The following YARS2 variants were observed in gnomAD, a reference collection of about 807,000 sequenced individuals.
YARS2 encodes the protein tyrosyl-tRNA synthetase 2.
Under a neutral mutation model 45.0 loss-of-function variants are expected in YARS2, and 38 were observed. The ratio of observed to expected loss-of-function variants is 0.84; its 90% CI spans 0.65 to 1.11. The LOEUF is 1.11. YARS2 is among the 50% of genes least tolerant of loss of function. The pLI is 0.00. For missense variants in YARS2, 602 were observed against 599.8 expected (o/e 1.00, Z -0.04); for synonymous variants, 287 against 245.1 (o/e 1.17, Z -1.60).
Position 32,746,670 on chromosome 12 carries a change from T to G in YARS2, c.*534A>C, listed in dbSNP as rs1479216866. On this transcript the variant is annotated 3_prime_UTR_variant, in exon 5 of 5. Coordinates refer to ENST00000324868, the MANE Select transcript of YARS2 (RefSeq NM_001040436.3). ...CTCGCAGCTCAGCCTCTTGAGTAGC[T>G]GGGGTTACAGGTGCCTGCAACCACA... The G allele has an allele frequency of 6.4e-6, 1 of 156,194 alleles. No individual in the cohort carries two copies. The highest frequency in any genetic ancestry group is 2.4e-5 in the African/African-American group (1 of 41,438). The allele number at this position is 156,194 out of a possible 1,614,324, so 9.7% of individuals were successfully genotyped here. A position where few individuals can be genotyped will look rare whatever the true frequency, so the allele number is the denominator to read the frequency against.
At chr12:32,753,777 C>G in intron 2 of YARS2, 141 bp downstream of exon 2, 1 of 1,117,082 alleles carries the variant, frequency 9.0e-7, no homozygotes, top group Non-Finnish European at 1.3e-6. Context: ...AAAAATTAGT[C>G]TTCTATGATG....
At chr12:32,749,852 C>A in intron 4 of YARS2, 85 bp downstream of exon 4, 1 of 1,525,308 alleles carries the variant, frequency 6.6e-7, no homozygotes, top group Non-Finnish European at 9.0e-7. Context: ...GCTGTGATTA[C>A]AGGCATGAGC....
intron 2 of YARS2, 69 bp downstream of exon 2, chr12:32,753,849 A>T: frequency 6.3e-7 from 1 of 1,592,220 alleles, no homozygotes; most frequent in South Asian, 1.1e-5. Flanking sequence ...ATGTACATAG[A>T]TTCAATGGCT....
chr12:32,753,443 G>C (rs1955787345), intron 2 of YARS2, among the ~76,000 whole-genome samples: 1 of 152,120 alleles, frequency 6.6e-6, no homozygotes, highest in South Asian at 2.1e-4. Context: ...TGATGTTACA[G>C]AGCATCAAAA....
At chr12:32,754,801 G>C (rs1443299196) in intron 1 of YARS2, among the ~76,000 whole-genome samples, 1 of 144,926 alleles carries the variant, frequency 6.9e-6, no homozygotes, top group Admixed American at 7.2e-5. Flanking sequence ...TGAAACCTTC[G>C]CCTCCCGGGT....
chr12:32,747,149 G>T lies in YARS2; in HGVS notation c.*55C>A. ...TAAGTTCTGGAGCCAACCCTTCAGAGGTCTTGAGAATGAATGATGGGTAAG... is the reference window on the plus strand; with the variant it reads ...TAAGTTCTGGAGCCAACCCTTCAGATGTCTTGAGAATGAATGATGGGTAAG... On this transcript the variant is annotated 3_prime_UTR_variant, in exon 5 of 5. Coordinates refer to ENST00000324868, the MANE Select transcript of YARS2 (RefSeq NM_001040436.3). 6.3e-7 allele frequency: 1 copy of T among 1,589,440 alleles called. No homozygotes were observed. Among genetic ancestry groups the T allele is most frequent in the Non-Finnish European group, 8.6e-7 (1 of 1,161,236 alleles).
In YARS2 at chr12:32,755,396, G is replaced by T; in HGVS notation, c.479C>A (p.Thr160Asn). ...ALAANHQQLF[T>N]DGRSWGSFTV... ...GAAGCTGCCCCAGGAGCGCCCATCAGTGAAAAGCTGCTGGTGATTAGCCGC... is the reference window on the plus strand; with the variant it reads ...GAAGCTGCCCCAGGAGCGCCCATCATTGAAAAGCTGCTGGTGATTAGCCGC... Residue 160 changes from threonine to asparagine, a missense_variant, in exon 1 of 5, where the codon ACT becomes AAT. Transcript: ENST00000324868. The T allele has an allele frequency of 1.2e-6, 2 of 1,613,872 alleles. No individual in the cohort carries two copies. Among genetic ancestry groups the T allele is most frequent in the Non-Finnish European group, 1.7e-6 (2 of 1,180,024 alleles).
rs777714886 is a variant in YARS2 at position 32,750,804 on chromosome 12, G to A, written c.1018C>T (p.Pro340Ser). The part of the protein sequence containing the change: ...DHIMQLHVKE[P>S]ERRGPQKRLA... ...CGTTTCTGAGGACCCCGCCTTTCTGGCTCTTTGACATGCAGCTGCATGATA... is the reference window on the plus strand; with the variant it reads ...CGTTTCTGAGGACCCCGCCTTTCTGACTCTTTGACATGCAGCTGCATGATA... Residue 340 changes from proline (P) to serine (S), a missense_variant, in exon 3 of 5, where the codon CCA becomes TCA. Transcript: ENST00000324868. 5 of 1,613,978 alleles carry A rather than the reference G, an allele frequency of 3.1e-6. No homozygotes were observed. The African/African-American group carries it at 6.7e-5, about 22-fold the overall frequency.
In YARS2 at chr12:32,746,911, G is replaced by C. The variant is rs1321243500; in HGVS notation, c.*293C>G. 3.0e-6 allele frequency: 1 copy of C among 337,856 alleles called. No homozygotes were observed. The highest frequency in any genetic ancestry group is 5.5e-6 in the Non-Finnish European group (1 of 181,534). 20.9% of individuals were successfully genotyped at this position (337,856 alleles called of 1,614,324 possible). The stretch of plus-strand genomic sequence containing the variant: ...AAAGGAGAGCAGGAAGGGTAAGATA[G>C]GAAAGCAGCATTTCTTTCTCTTCTG... On this transcript the variant is annotated 3_prime_UTR_variant, in exon 5 of 5. Coordinates refer to ENST00000324868, the MANE Select transcript of YARS2 (RefSeq NM_001040436.3).
In YARS2 at chr12:32,755,546, G is replaced by A; in HGVS notation, c.329C>T (p.Ala110Val). 6.2e-7 allele frequency: 1 copy of A among 1,613,604 alleles called. No homozygotes were observed. Among genetic ancestry groups the A allele is most frequent in the Non-Finnish European group, 8.5e-7 (1 of 1,179,846 alleles). Reference sequence around the variant, plus strand: ...GCGCGCCGTGGCGCCTCCCACCAGCGCGATCACGTTGTGGCCCGCTCGCTG... The same window carrying A: ...GCGCGCCGTGGCGCCTCCCACCAGCACGATCACGTTGTGGCCCGCTCGCTG... ...HLQRAGHNVI[A>V]LVGGATARLG... Residue 110 changes from alanine (A) to valine (V), a missense_variant, in exon 1 of 5, where the codon GCG becomes GTG. Ala to Val is a moderately conservative substitution (Grantham distance 64). Coordinates refer to ENST00000324868, the MANE Select transcript of YARS2 (RefSeq NM_001040436.3).
rs1955659143 is a variant in YARS2, at chr12:32,747,325, T to C, written c.1313A>G (p.His438Arg). The C allele has an allele frequency of 1.9e-6, 3 of 1,614,024 alleles. No individual in the cohort carries two copies. Among genetic ancestry groups the C allele is most frequent in the Non-Finnish European group, 2.5e-6 (3 of 1,180,028 alleles). The change falls in exon 5 of 5, where the codon CAC (histidine) becomes CGC (arginine). Residue 438 changes from histidine to arginine, a missense_variant. Transcript: ENST00000324868. ...MITEGGVSIN[H>R]QQVTNPESVL... Reference sequence around the variant, plus strand: ...ACTCTCAGGATTTGTTACTTGTTGGTGATTTATGCTGACTCCGCCTTCTGT... The same window carrying C: ...ACTCTCAGGATTTGTTACTTGTTGGCGATTTATGCTGACTCCGCCTTCTGT...
At chr12:32,749,413 G>A (rs1176858168) in intron 4 of YARS2, among the ~76,000 whole-genome samples, 1 of 152,080 alleles carries the variant, frequency 6.6e-6, no homozygotes, top group East Asian at 1.9e-4. Context: ...TATAATAAGA[G>A]ACAGTATAGG....
Position 32,755,536 on chromosome 12 carries a change from T to C in YARS2, c.339A>G (p.Gly113=). The C allele has an allele frequency of 6.2e-7, 1 of 1,613,354 alleles. No homozygotes were observed. The highest frequency in any genetic ancestry group is 1.3e-5 in the African/African-American group (1 of 75,044). ...GGTCTCCCAGGCGCGCCGTGGCGCCTCCCACCAGCGCGATCACGTTGTGGC... is the reference window on the plus strand; with the variant it reads ...GGTCTCCCAGGCGCGCCGTGGCGCCCCCCACCAGCGCGATCACGTTGTGGC... ...RAGHNVIALV[G]GATARLGDPS... is the part of the protein sequence containing the mutation. The change falls in exon 1 of 5, where the codon GGA becomes GGG. Residue 113 remains glycine (G), a synonymous_variant. Transcript: ENST00000324868.
intron 4 of YARS2, 43 bp from the exon 5 acceptor site, chr12:32,747,406 T>C (rs1473627841): frequency 3.1e-6 from 5 of 1,595,222 alleles, no homozygotes; most frequent in Non-Finnish European, 4.3e-6. Context: ...ATCCAATCAC[T>C]GTTGATCTGT....
At chr12:32,751,019 C>G in intron 2 of YARS2, 145 bp from the exon 3 acceptor site, 2 of 884,680 alleles carry the variant, frequency 2.3e-6, no homozygotes, top group Non-Finnish European at 3.4e-6. Flanking sequence ...GTCCCATGCA[C>G]ACATCACCCA....
intron 1 of YARS2, 97 bp from the exon 2 acceptor site, chr12:32,754,182 G>T: frequency 6.9e-7 from 1 of 1,445,448 alleles, no homozygotes; most frequent in Non-Finnish European, 9.7e-7. Context: ...ACTTGCTCCA[G>T]GAAAACTTCC....
At chr12:32,753,270 C>T (rs918313172) in intron 2 of YARS2, among the ~76,000 whole-genome samples, 8 of 152,170 alleles carry the variant, frequency 5.3e-5, no homozygotes, top group Non-Finnish European at 2.9e-5. Flanking sequence ...GAGTGAGATT[C>T]TGTTTCAAAA....
At chr12:32,752,708 T>G in intron 2 of YARS2, 1 of 331,850 alleles carries the variant, frequency 3.0e-6, no homozygotes, top group South Asian at 2.2e-5. Flanking sequence ...GCCACTACAC[T>G]CTAGCCTGGG....
At position 32,749,986 on chromosome 12, in the gene YARS2, C is replaced by A; in HGVS notation, c.1225G>T (p.Val409Phe). The A allele has an allele frequency of 6.2e-7, 1 of 1,614,078 alleles. No individual in the cohort carries two copies. The highest frequency in any genetic ancestry group is 2.2e-5 in the East Asian group (1 of 44,874). ...SEFFLDPGTS[V>F]LDTCRKANAI... Reference sequence around the variant, plus strand: ...TTTGCTTTGCGGCAAGTATCTAGGACACTTGTTCCAGGATCGAGAAAAAAT... The same window carrying A: ...TTTGCTTTGCGGCAAGTATCTAGGAAACTTGTTCCAGGATCGAGAAAAAAT... The change falls in exon 4 of 5, where the codon GTC (valine) becomes TTC (phenylalanine). Residue 409 changes from valine to phenylalanine, a missense_variant. By Grantham distance (50) the Val-to-Phe change is conservative. Coordinates refer to ENST00000324868, the MANE Select transcript of YARS2 (RefSeq NM_001040436.3).
Sources: allele counts gnomAD v4.1 joint callset (sites outside exome capture counted in the v4.1 genomes callset), GRCh38; gene constraint gnomAD v4.1.1; transcripts MANE v1.5; gene names NCBI Gene and HGNC (gene_info 2026-07-23, HGNC 2026-07-21).